The following ITGA11 variants were observed in gnomAD, a reference collection of about 807,000 sequenced individuals.
ITGA11 encodes integrin subunit alpha 11, also known as integrin alpha-11.
In ITGA11, 97 loss-of-function variants were observed where a neutral mutation model predicts 141.9. The ratio of observed to expected loss-of-function variants is 0.68; its 90% CI spans 0.58 to 0.81. The LOEUF (loss-of-function observed/expected upper bound fraction) is 0.81, where lower values mean the gene tolerates loss of function less well. Among genes scored for constraint, ITGA11 ranks in the 30% least tolerant of loss-of-function variants. ITGA11 has a pLI of 0.00. For synonymous variants in ITGA11, 658 were observed against 624.6 expected (o/e 1.05, Z -0.80); for missense variants, 1,387 against 1,559.2 (o/e 0.89, Z 1.86).
intron 4 of ITGA11, among the ~76,000 whole-genome samples, chr15:68,363,824 C>T (rs8040014): frequency 0.92 from 140,465 of 152,240 alleles, 65,334 homozygotes; most frequent in East Asian, 0.98. Flanking sequence ...TCCATTGTGC[C>T]GCCCACACTC....
intron 10 of ITGA11, among the ~76,000 whole-genome samples, chr15:68,342,453 C>T (rs887300268): frequency 4.6e-5 from 7 of 152,222 alleles, no homozygotes; most frequent in South Asian, 2.1e-4. Flanking sequence ...TCTGAGGCCA[C>T]GCTGTGCCTT....
intron 26 of ITGA11, among the ~76,000 whole-genome samples, chr15:68,310,146 C>G (rs1411864338): frequency 6.6e-6 from 1 of 152,196 alleles, no homozygotes; most frequent in African/African-American, 2.4e-5. Context: ...CTGTCATCAT[C>G]ATATCTATTT....
At chr15:68,418,176 C>T (rs1258907450) in intron 1 of ITGA11, among the ~76,000 whole-genome samples, 1 of 152,256 alleles carries the variant, frequency 6.6e-6, no homozygotes, top group East Asian at 1.9e-4. Flanking sequence ...GAGCCAGAAT[C>T]AGTGTGTCTG....
chr15:68,341,514 C>A lies in ITGA11; in HGVS notation c.1132-1870G>T, dbSNP rs1894568846. ...GTCACACAGCAAGTCAGAGGCAGGGCTGGGGCTTTGACCAGAGAGGTAAGT... is the reference window on the plus strand; with the variant it reads ...GTCACACAGCAAGTCAGAGGCAGGGATGGGGCTTTGACCAGAGAGGTAAGT... On this transcript the variant is annotated intron_variant, in intron 10 of 29. Transcript: ENST00000315757. 3.3e-5 allele frequency among the ~76,000 whole-genome samples: 5 copies of A among 152,242 alleles called. No homozygotes were observed. The South Asian group carries it at 1.0e-3, about 31-fold the overall frequency.
intron 28 of ITGA11, among the ~76,000 whole-genome samples, chr15:68,306,840 A>T (rs1021525141): frequency 6.6e-6 from 1 of 152,200 alleles, no homozygotes; most frequent in Non-Finnish European, 1.5e-5. Context: ...TGGCCAGTGG[A>T]GGGCAGCAGC....
At position 68,332,535 on chromosome 15, in the gene ITGA11, A is replaced by C. The variant is rs559205007; in HGVS notation, c.1426-57T>G. ...TGGCTGCCCAGCTCGCACAACCCAG[A>C]GCCCTCGCCTCGCGGGCAGAGGGAA... is the stretch of plus-strand genomic sequence containing the variant. On this transcript the variant is annotated intron_variant, in intron 12 of 29. Transcript: ENST00000315757. The C allele has an allele frequency of 9.9e-5, 155 of 1,566,230 alleles. No homozygotes were observed. In the East Asian group the frequency reaches 3.1e-3, roughly 31 times the overall value.
intron 7 of ITGA11, 199 bp downstream of exon 7, chr15:68,356,952 G>A (rs1168388367): frequency 5.2e-6 from 3 of 572,052 alleles, no homozygotes; most frequent in Non-Finnish European, 9.2e-6. Flanking sequence ...ACAGCCCAAG[G>A]TGACACCAGA....
chr15:68,369,091 T>A, intron 3 of ITGA11, 93 bp downstream of exon 3: 1 of 842,972 alleles, frequency 1.2e-6, no homozygotes, highest in Admixed American at 1.8e-5. Flanking sequence ...CAGGAAGGAG[T>A]CAGTGTGACC....
rs201871732 is a variant in ITGA11, at chr15:68,313,818, C to T, written c.2843G>A (p.Arg948His). 1.7e-4 allele frequency: 270 copies of T among 1,613,992 alleles called. 2 individuals are homozygous for T. The African/African-American group carries it at 2.1e-3, about 12-fold the overall frequency. Residue 948 changes from arginine (R) to histidine (H), a missense_variant, in exon 23 of 30, where the codon CGC (arginine) becomes CAC (histidine). Transcript: ENST00000315757. ...STKEDNVAPL[R>H]FHLKYEADVL... ...GTCAGCCTCGTATTTGAGGTGGAAG[C>T]GTAAGGGGGCCACGTTGTCTTCCTT...
intron 1 of ITGA11, among the ~76,000 whole-genome samples, chr15:68,412,876 A>G (rs1233039742): frequency 3.3e-5 from 5 of 151,808 alleles, no homozygotes; most frequent in Non-Finnish European, 5.9e-5. Flanking sequence ...GGGTTTCATC[A>G]TATTGGCCAG....
intron 2 of ITGA11, among the ~76,000 whole-genome samples, chr15:68,397,813 T>TA (rs1555400456): frequency 8.5e-6 from 1 of 117,562 alleles, no homozygotes; most frequent in African/African-American, 3.2e-5. Context: ...AATAATAATA[T>TA]TATATATTAT....
chr15:68,365,730 C>T (rs1895401047), intron 3 of ITGA11, among the ~76,000 whole-genome samples: 1 of 151,632 alleles, frequency 6.6e-6, no homozygotes, highest in Non-Finnish European at 1.5e-5. Flanking sequence ...CCTTCCCTCC[C>T]CTCCCTTTTC....
At chr15:68,426,485 C>T (rs758557621) in intron 1 of ITGA11, among the ~76,000 whole-genome samples, 7 of 151,870 alleles carry the variant, frequency 4.6e-5, no homozygotes, top group Admixed American at 2.6e-4. Context: ...GAGGGAGAGA[C>T]GTTCTCACAT....
intron 2 of ITGA11, among the ~76,000 whole-genome samples, chr15:68,389,966 C>A (rs370061143): frequency 6.6e-6 from 1 of 152,154 alleles, no homozygotes; most frequent in East Asian, 1.9e-4. Flanking sequence ...GTCTTAAAAC[C>A]CACGGAATTA....
chr15:68,314,337 C>T (rs368266787), intron 22 of ITGA11, among the ~76,000 whole-genome samples: 8 of 152,272 alleles, frequency 5.3e-5, no homozygotes, highest in South Asian at 2.1e-4. Flanking sequence ...TCCTACAGGG[C>T]GGCCAGGGGC....
In ITGA11 at chr15:68,432,124, G is replaced by T; in HGVS notation, c.-58C>A. 1 of 1,283,876 alleles carries T rather than the reference G, an allele frequency of 7.8e-7. No homozygotes were observed. The highest frequency in any genetic ancestry group is 1.0e-6 in the Non-Finnish European group (1 of 1,000,584). 79.5% of individuals were successfully genotyped at this position (1,283,876 alleles called of 1,614,324 possible). A position where few individuals can be genotyped will look rare whatever the true frequency, so the allele number is the denominator to read the frequency against. ...AGCGGCGGCGGGGGGCGGCAAGCCA[G>T]AGCGGCAGCCTCCTCGGCGCGGCGC... On this transcript the variant is annotated 5_prime_UTR_variant, in exon 1 of 30. In the 5' UTR this introduces an upstream ATG that the reference lacks. Coordinates refer to ENST00000315757, the MANE Select transcript of ITGA11 (RefSeq NM_001004439.2).
At chr15:68,421,783 G>A (rs1040746935) in intron 1 of ITGA11, among the ~76,000 whole-genome samples, 15 of 152,180 alleles carry the variant, frequency 9.9e-5, no homozygotes, top group African/African-American at 3.4e-4. Flanking sequence ...AGGACATTAT[G>A]TAGCCCAGAA....
chr15:68,358,817 C>G (rs762349744), intron 5 of ITGA11, among the ~76,000 whole-genome samples: 2 of 152,222 alleles, frequency 1.3e-5, no homozygotes, highest in Non-Finnish European at 2.9e-5. Context: ...TTAAATTAAG[C>G]CTGATCACTT....
intron 15 of ITGA11, among the ~76,000 whole-genome samples, chr15:68,330,442 G>C (rs1894116172): frequency 1.3e-5 from 2 of 150,344 alleles, no homozygotes; most frequent in Admixed American, 1.3e-4. Flanking sequence ...TTATATTTAT[G>C]ATGAAAAATA....
Sources: allele counts gnomAD v4.1 joint callset (sites outside exome capture counted in the v4.1 genomes callset), GRCh38; gene constraint gnomAD v4.1.1; transcripts MANE v1.5; gene names NCBI Gene and HGNC (gene_info 2026-07-23, HGNC 2026-07-21).